The following HDAC9 variants were observed in gnomAD, a reference collection of about 807,000 sequenced individuals.
HDAC9 encodes the protein histone deacetylase 9, also known as MEF-2 interacting transcription repressor (MITR) protein.
HDAC9 carries 41 observed loss-of-function variants against 139.4 expected under a neutral mutation model. The observed-to-expected ratio is 0.29, with a 90% CI of 0.23 to 0.38. The LOEUF (loss-of-function observed/expected upper bound fraction) is 0.38. Ranked by LOEUF, HDAC9 falls within the 10% of genes least tolerant of loss-of-function variation. The probability of loss-of-function intolerance (pLI) is 1.00; values close to 1 mark genes in which losing one functional copy is unlikely to be tolerated. For synonymous variants in HDAC9, 517 were observed against 476.2 expected, an observed-to-expected ratio of 1.09 and a Z score of -1.12; for missense variants, 1,147 against 1,297.0, an observed-to-expected ratio of 0.88 and a Z score of 1.78.
intron 23 of HDAC9, among the ~76,000 whole-genome samples, chr7:18,944,695 C>T (rs1003294702): frequency 1.4e-4 from 21 of 152,212 alleles, no homozygotes; most frequent in African/African-American, 5.1e-4. Context: ...AAAGCCCCCA[C>T]ATTCCTTTTC....
intron 22 of HDAC9, among the ~76,000 whole-genome samples, chr7:18,925,305 G>A (rs535665831): frequency 2.0e-5 from 3 of 152,062 alleles, no homozygotes; most frequent in Non-Finnish European, 4.4e-5. Context: ...TTGTTGCTTG[G>A]GCAAGTTAAT....
chr7:18,803,453 C>G (rs899179395), intron 17 of HDAC9, among the ~76,000 whole-genome samples: 1 of 152,068 alleles, frequency 6.6e-6, no homozygotes, highest in Non-Finnish European at 1.5e-5. Flanking sequence ...TGTTTTCTTT[C>G]TTCCAGGACA....
intron 2 of HDAC9, among the ~76,000 whole-genome samples, chr7:18,194,052 G>A (rs1383871009): frequency 6.6e-6 from 1 of 152,172 alleles, no homozygotes; most frequent in Non-Finnish European, 1.5e-5. Flanking sequence ...TGTCACTGTG[G>A]AAAGGGACAC....
At chr7:18,363,163 A>G (rs150844215) in intron 1 of HDAC9, among the ~76,000 whole-genome samples, 2,388 of 152,322 alleles carry the variant, frequency 0.016, 61 homozygotes, top group African/African-American at 0.054. Context: ...CTAGGATTTA[A>G]TAAGGTGGGT....
intron 1 of HDAC9, among the ~76,000 whole-genome samples, chr7:18,452,666 G>A (rs576489996): frequency 1.1e-4 from 17 of 152,274 alleles, no homozygotes; most frequent in Non-Finnish European, 1.8e-4. Flanking sequence ...GAATCATGGG[G>A]ACAGGTTTTT....
At chr7:18,223,867 G>T (rs986807664) in intron 2 of HDAC9, among the ~76,000 whole-genome samples, 2 of 151,806 alleles carry the variant, frequency 1.3e-5, no homozygotes, top group Non-Finnish European at 2.9e-5. Flanking sequence ...AACTTCTCTC[G>T]ACTATTCACA....
At chr7:18,710,944 C>T (rs1784301417) in intron 12 of HDAC9, among the ~76,000 whole-genome samples, 1 of 152,140 alleles carries the variant, frequency 6.6e-6, no homozygotes, top group Non-Finnish European at 1.5e-5. Flanking sequence ...GGATATCATA[C>T]ATTTCAAATT....
chr7:18,220,324 A>G (rs888185883), intron 2 of HDAC9, among the ~76,000 whole-genome samples: 10 of 152,220 alleles, frequency 6.6e-5, no homozygotes, highest in Non-Finnish European at 2.9e-5. Flanking sequence ...AAATAGAATA[A>G]TATTAGCCAT....
chr7:18,374,199 G>GTATATA lies in HDAC9; in HGVS notation c.-42+83699_-42+83704dup, dbSNP rs371983993. Among the ~76,000 whole-genome samples the GTATATA allele has an allele frequency of 5.4e-4, 77 of 143,196 alleles. 1 individual carries two copies. In the South Asian group the frequency reaches 0.014, roughly 26 times the overall value. 93.9% of individuals were successfully genotyped at this position (143,196 alleles called of 152,430 possible). On this transcript the variant is annotated intron_variant, in intron 1 of 3. Transcript: ENST00000413509. ...ATAAATCTAGTGTGTATGTATGTGT[G>GTATATA]TATATATATATATATATATACACAC...
intron 2 of HDAC9, among the ~76,000 whole-genome samples, chr7:18,172,363 GC>G (rs1562705348): frequency 6.6e-6 from 1 of 151,934 alleles, no homozygotes; most frequent in Non-Finnish European, 1.5e-5. Flanking sequence ...AGTCTTGCTA[GC>G]AGTCTACCAA....
chr7:18,730,252 G>T (rs974593942), intron 13 of HDAC9, among the ~76,000 whole-genome samples: 3 of 152,058 alleles, frequency 2.0e-5, no homozygotes, highest in Admixed American at 6.5e-5. Flanking sequence ...TCCACATATT[G>T]CTCTGGCTTT....
chr7:18,738,666 G>C (rs1230272865), intron 13 of HDAC9, among the ~76,000 whole-genome samples: 1 of 152,136 alleles, frequency 6.6e-6, no homozygotes, highest in African/African-American at 2.4e-5. Context: ...TGGGTAACCC[G>C]ACCTTTGTGT....
rs1324892354 is a variant in HDAC9, at chr7:18,136,811, TTTAAAG to T, written c.-96-25416_-96-25411del. On this transcript the variant is annotated intron_variant, in intron 1 of 12. Transcript: ENST00000417496. ...GGCTCTTTTTTGGTTCCATATGAAC[TTTAAAG>T]TAGTTTTTTCCAATTCTGTGAAGAA... is the stretch of plus-strand genomic sequence containing the variant. Among the ~76,000 whole-genome samples the T allele has an allele frequency of 7.6e-4, 116 of 151,952 alleles. 2 individuals carry two copies. The East Asian group carries it at 0.018, about 23-fold the overall frequency.
At chr7:18,232,565 A>T (rs1322238762) in intron 2 of HDAC9, among the ~76,000 whole-genome samples, 1 of 152,144 alleles carries the variant, frequency 6.6e-6, no homozygotes, top group African/African-American at 2.4e-5. Flanking sequence ...TTGTGTTTTT[A>T]TCCCCCACTA....
intron 1 of HDAC9, among the ~76,000 whole-genome samples, chr7:18,371,220 A>G (rs1238061396): frequency 1.3e-5 from 2 of 152,140 alleles, no homozygotes. Flanking sequence ...AACGATATGT[A>G]GGTGCACACT....
At chr7:18,921,783 G>A (rs1049860579) in intron 22 of HDAC9, among the ~76,000 whole-genome samples, 21 of 152,180 alleles carry the variant, frequency 1.4e-4, no homozygotes, top group African/African-American at 5.1e-4. Context: ...GTACACGTAT[G>A]TTTATTGCGG....
chr7:18,197,063 C>A (rs534169410), intron 2 of HDAC9, among the ~76,000 whole-genome samples: 1 of 152,208 alleles, frequency 6.6e-6, no homozygotes, highest in East Asian at 1.9e-4. Context: ...AAAAGGCTGA[C>A]CCCCCTTATG....
At chr7:18,423,415 CA>C (rs1332657262) in intron 1 of HDAC9, among the ~76,000 whole-genome samples, 1 of 152,162 alleles carries the variant, frequency 6.6e-6, no homozygotes, top group Admixed American at 6.5e-5. Context: ...ACCATCAAGA[CA>C]GGGCTTTATT....
intron 2 of HDAC9, among the ~76,000 whole-genome samples, chr7:18,498,589 A>G (rs370004692): frequency 6.6e-6 from 1 of 152,114 alleles, no homozygotes; most frequent in Non-Finnish European, 1.5e-5. Context: ...GACGTGATTC[A>G]TAGGCTTAGA....
Sources: gnomAD v4.1 joint callset for allele counts (sites outside exome capture counted in the v4.1 genomes callset) on GRCh38, gnomAD v4.1.1 for gene constraint, MANE v1.5 for transcripts, NCBI Gene and HGNC (gene_info 2026-07-23, HGNC 2026-07-21) for gene names.